Variants in NFKB1 observed in about 807,000 individuals in gnomAD.
The protein encoded by NFKB1 is nuclear factor kappa B subunit 1, also known as nuclear factor NF-kappa-B p105 subunit.
NFKB1 carries 9 observed loss-of-function variants against 105.1 expected under a neutral mutation model. The observed-to-expected ratio is 0.09, with a 90% confidence interval of 0.05 to 0.15. The LOEUF is 0.15. Among genes scored for constraint, NFKB1 ranks in the 10% least tolerant of loss-of-function variants. NFKB1 has a pLI of 1.00. For missense variants in NFKB1, 830 were observed against 1,203.7 expected, an observed-to-expected ratio of 0.69 and a Z score of 4.59; for synonymous variants, 440 against 442.2, an observed-to-expected ratio of 1.00 and a Z score of 0.06.
Position 102,533,901 on chromosome 4 carries a change from T to A in NFKB1, c.159+16T>A. 6.2e-7 allele frequency: 1 copy of A among 1,605,580 alleles called. No homozygotes were observed. Among genetic ancestry groups the A allele is most frequent in the Non-Finnish European group, 8.5e-7 (1 of 1,173,958 alleles). ...ACCTAAACAGGTAAGATTAAAGGGG[T>A]GGGACTTTAAATGTTAGATTCCAGT... On this transcript the variant is annotated intron_variant, in intron 4 of 23. Transcript: ENST00000226574.
intron 1 of NFKB1, among the ~76,000 whole-genome samples, chr4:102,502,783 T>C (rs1046102591): frequency 6.6e-6 from 1 of 152,210 alleles, no homozygotes; most frequent in Admixed American, 6.5e-5. Context: ...TTACAGTTTA[T>C]GAAATAACCA....
chr4:102,537,697 C>T (rs1021899161), intron 4 of NFKB1, 161 bp from the exon 5 acceptor site: 25 of 505,888 alleles, frequency 4.9e-5, no homozygotes, highest in Middle Eastern at 4.9e-4. Flanking sequence ...AGTAAGATTA[C>T]GGGAAAAGTG....
chr4:102,577,870 C>A (rs372933506), intron 7 of NFKB1: 47 of 985,208 alleles, frequency 4.8e-5, no homozygotes, highest in Non-Finnish European at 5.7e-5. Context: ...CTCTGTCCCT[C>A]CCCACTTCTA....
chr4:102,516,708 T>C (rs952285318), intron 1 of NFKB1, among the ~76,000 whole-genome samples: 1 of 152,336 alleles, frequency 6.6e-6, no homozygotes, highest in East Asian at 1.9e-4. Context: ...TCATTTTTTT[T>C]CTCAGTCTTA....
At chr4:102,506,345 G>C (rs915427253) in intron 1 of NFKB1, among the ~76,000 whole-genome samples, 2 of 152,052 alleles carry the variant, frequency 1.3e-5, no homozygotes, top group Admixed American at 1.3e-4. Flanking sequence ...CAACCAAAAA[G>C]TTAAAACAAA....
At chr4:102,512,645 A>G (rs1436424247) in intron 1 of NFKB1, among the ~76,000 whole-genome samples, 1 of 152,222 alleles carries the variant, frequency 6.6e-6, no homozygotes, top group Non-Finnish European at 1.5e-5. Flanking sequence ...ACACCCAGCC[A>G]TGTATATGTT....
In NFKB1 at chr4:102,578,980, G is replaced by A. The variant is rs778125529; in HGVS notation, c.671G>A (p.Ser224Asn). Residue 224 changes from serine to asparagine, a missense_variant, in exon 8 of 24, where the codon AGC becomes AAC. Physicochemically the swap from Ser to Asn is conservative, Grantham distance 46. Coordinates refer to ENST00000226574, the MANE Select transcript of NFKB1 (RefSeq NM_003998.4). ...RLMFTAFLPD[S>N]TGSFTRRLEP... ...ATGTTTACAGCTTTTCTTCCGGATAGCACTGGCAGCTTCACAAGGCGCCTG... is the reference window on the plus strand; with the variant it reads ...ATGTTTACAGCTTTTCTTCCGGATAACACTGGCAGCTTCACAAGGCGCCTG... 3 of 1,614,120 alleles carry A rather than the reference G, an allele frequency of 1.9e-6. No homozygotes were observed. The highest frequency in any genetic ancestry group is 3.3e-5 in the Admixed American group (2 of 60,016).
At chr4:102,581,659 AAAG>A (rs1466094270) in intron 9 of NFKB1, among the ~76,000 whole-genome samples, 5 of 152,182 alleles carry the variant, frequency 3.3e-5, no homozygotes, top group African/African-American at 9.7e-5. Flanking sequence ...GTCTCAAAAA[AAAG>A]AAGTTTACAC....
intron 1 of NFKB1, among the ~76,000 whole-genome samples, chr4:102,516,742 C>T (rs540819975): frequency 4.6e-5 from 7 of 151,948 alleles, no homozygotes; most frequent in African/African-American, 1.7e-4. Context: ...TTGCAGGCTT[C>T]ATTATGTTTT....
intron 14 of NFKB1, among the ~76,000 whole-genome samples, chr4:102,597,213 G>T (rs1194470591): frequency 6.6e-6 from 1 of 152,152 alleles, no homozygotes; most frequent in Non-Finnish European, 1.5e-5. Flanking sequence ...ATTGTTTGGA[G>T]ATTGTTTTCC....
intron 6 of NFKB1, among the ~76,000 whole-genome samples, chr4:102,573,897 A>G (rs996001722): frequency 2.7e-5 from 4 of 150,750 alleles, no homozygotes; most frequent in Admixed American, 1.3e-4. Context: ...TTTTTTTTTC[A>G]TATCTGCCAT....
chr4:102,514,246 C>G (rs184894351), intron 1 of NFKB1, among the ~76,000 whole-genome samples: 75 of 152,088 alleles, frequency 4.9e-4, no homozygotes, highest in Non-Finnish European at 9.7e-4. Flanking sequence ...TGTAGACACA[C>G]TAGGTTCTTT....
chr4:102,594,279 G>A (rs899115555), intron 12 of NFKB1, among the ~76,000 whole-genome samples: 2 of 152,116 alleles, frequency 1.3e-5, no homozygotes, highest in African/African-American at 4.8e-5. Flanking sequence ...TTACTTACAT[G>A]TAGTTTCCTG....
chr4:102,502,284 T>G (rs1384508805), intron 1 of NFKB1: 1 of 151,758 alleles, frequency 6.6e-6, no homozygotes, highest in Admixed American at 6.6e-5. Context: ...TCCCCAGAAT[T>G]GAATAGGAGA....
rs533229421 is a variant in NFKB1 at position 102,561,644 on chromosome 4, T to C, written c.259-5343T>C. On this transcript the variant is annotated intron_variant, in intron 5 of 23. Coordinates refer to ENST00000226574, the MANE Select transcript of NFKB1 (RefSeq NM_003998.4). ...GACAGACCCAAGCTCAAGGATTGCC[T>C]GATCGCTCCATTTATAGGAACCATG... Among the ~76,000 whole-genome samples the C allele has an allele frequency of 2.6e-5, 4 of 152,308 alleles. No individual in the cohort carries two copies. The East Asian group carries it at 7.7e-4, about 29-fold the overall frequency.
Position 102,609,158 on chromosome 4 carries a change from C to CAAAAA in NFKB1, c.2228-1409_2228-1405dup, listed in dbSNP as rs372174091. ...ATAGAATAAGAATAAGACCCTGTCT[C>CAAAAA]AAAAAAAAAAAAGAAAAAGAAAGAA... On this transcript the variant is annotated intron_variant, in intron 19 of 23. Coordinates refer to ENST00000226574, the MANE Select transcript of NFKB1 (RefSeq NM_003998.4). Among the ~76,000 whole-genome samples the CAAAAA allele has an allele frequency of 2.2e-4, 21 of 97,354 alleles. 1 individual carries two copies. The highest frequency in any genetic ancestry group is 3.2e-4 in the African/African-American group (9 of 27,722). The allele number at this position is 97,354 out of a possible 152,430, so 63.9% of individuals were successfully genotyped here. A position where few individuals can be genotyped will look rare whatever the true frequency, so the allele number is the denominator to read the frequency against.
intron 23 of NFKB1, among the ~76,000 whole-genome samples, chr4:102,614,831 C>T (rs1728790622): frequency 2.6e-5 from 4 of 152,050 alleles, no homozygotes. Context: ...CCTAAACCCT[C>T]CCTGCTTGGT....
rs1252931025 is a variant in NFKB1, at chr4:102,594,893, G to A, written c.1212G>A (p.Gly404=). 3 of 1,607,350 alleles carry A rather than the reference G, an allele frequency of 1.9e-6. No homozygotes were observed. Among genetic ancestry groups the A allele is most frequent in the Admixed American group, 1.7e-5 (1 of 59,798 alleles). ...CATTTGTTTTACTTGCCGTTTCAGG[G>A]TATAGCTTCCCACACTATGGATTTC... ...GGGGTGSTGP[G]YSFPHYGFPT... is the part of the protein sequence containing the mutation. The change falls in exon 13 of 24, where the codon GGG becomes GGA. Residue 404 remains glycine, a splice_region_variant and synonymous_variant. Transcript: ENST00000226574.
chr4:102,585,800 C>T (rs1725663385), intron 11 of NFKB1, among the ~76,000 whole-genome samples: 1 of 152,124 alleles, frequency 6.6e-6, no homozygotes. Flanking sequence ...GGGTATATTT[C>T]AGCAGTTGGG....
Sources: gnomAD v4.1 joint callset for allele counts (sites outside exome capture counted in the v4.1 genomes callset) on GRCh38, gnomAD v4.1.1 for gene constraint, MANE v1.5 for transcripts, NCBI Gene and HGNC (gene_info 2026-07-23, HGNC 2026-07-21) for gene names.